Variants in PALLD observed in about 807,000 individuals in gnomAD.
The protein encoded by PALLD is palladin.
A neutral mutation model predicts 123.5 loss-of-function variants in PALLD; 61 were observed. That is an observed-to-expected ratio of 0.49 (90% CI 0.40 to 0.61). The LOEUF is 0.61. PALLD is among the 20% of genes least tolerant of loss of function. The pLI, the probability that PALLD is intolerant of heterozygous loss-of-function variation, is 0.00. For synonymous variants in PALLD, 465 were observed against 496.4 expected (o/e 0.94, Z 0.84); for missense variants, 1,273 against 1,377.0 (o/e 0.92, Z 1.20).
chr4:168,841,034 A>G (rs1745962418), intron 10 of PALLD, among the ~76,000 whole-genome samples: 1 of 152,106 alleles, frequency 6.6e-6, no homozygotes, highest in Non-Finnish European at 1.5e-5. Context: ...TATTTTTAGT[A>G]GAGATGGAGT....
Position 168,878,161 on chromosome 4 carries a change from C to CCCGCCA in PALLD, c.1965-12758_1965-12753dup, listed in dbSNP as rs864622087. ...GCTCCTCCTCGCCGTCGCCCCCGCC[C>CCCGCCA]CCGCCACCCCCGGTCTTCAGCCCCA... is the stretch of plus-strand genomic sequence containing the variant. On this transcript the variant is annotated intron_variant, in intron 10 of 21. Transcript: ENST00000505667. 1 of 1,491,770 alleles carries CCCGCCA rather than the reference C, an allele frequency of 6.7e-7. No homozygotes were observed. Among genetic ancestry groups the CCCGCCA allele is most frequent in the African/African-American group, 1.5e-5 (1 of 68,580 alleles). The allele number at this position is 1,491,770 out of a possible 1,614,324, so 92.4% of individuals were successfully genotyped here. A position where few individuals can be genotyped will look rare whatever the true frequency, so the allele number is the denominator to read the frequency against.
intron 2 of PALLD, among the ~76,000 whole-genome samples, chr4:168,589,845 C>T (rs2149684284): frequency 6.6e-6 from 1 of 152,338 alleles, no homozygotes; most frequent in South Asian, 2.1e-4. Context: ...TGCTTTTCCT[C>T]TCATGATCCT....
At chr4:168,826,225 A>C (rs377530363) in intron 10 of PALLD, among the ~76,000 whole-genome samples, 103 of 152,274 alleles carry the variant, frequency 6.8e-4, no homozygotes, top group African/African-American at 2.2e-3. Flanking sequence ...ATCAAGCAGG[A>C]CATGTTTAGA....
chr4:168,809,310 T>G (rs940707142), intron 10 of PALLD, among the ~76,000 whole-genome samples: 5 of 133,116 alleles, frequency 3.8e-5, no homozygotes, highest in Non-Finnish European at 6.5e-5. Flanking sequence ...AAATTTTCCC[T>G]TATAAATCCT....
At chr4:168,527,916 G>A (rs1764224711) in intron 2 of PALLD, among the ~76,000 whole-genome samples, 1 of 152,140 alleles carries the variant, frequency 6.6e-6, no homozygotes. Flanking sequence ...GTCAAATGAA[G>A]GTCTCCATCA....
At chr4:168,645,298 A>G (rs1777337718) in intron 2 of PALLD, among the ~76,000 whole-genome samples, 1 of 152,080 alleles carries the variant, frequency 6.6e-6, no homozygotes, top group African/African-American at 2.4e-5. Context: ...ACAGTACCTG[A>G]TATGTATCAG....
intron 2 of PALLD, among the ~76,000 whole-genome samples, chr4:168,612,611 G>A (rs377682876): frequency 6.6e-6 from 1 of 151,854 alleles, no homozygotes; most frequent in African/African-American, 2.4e-5. Context: ...GCCCCCAAAC[G>A]TAAGGTGAAT....
chr4:168,729,603 C>T (rs898147684), intron 10 of PALLD, among the ~76,000 whole-genome samples: 1 of 152,196 alleles, frequency 6.6e-6, no homozygotes, highest in Non-Finnish European at 1.5e-5. Context: ...GATCAATGCA[C>T]AGTTGTTCTC....
intron 8 of PALLD, among the ~76,000 whole-genome samples, chr4:168,708,514 T>C (rs1784429479): frequency 6.6e-6 from 1 of 152,236 alleles, no homozygotes; most frequent in Non-Finnish European, 1.5e-5. Context: ...GCCATGCCAC[T>C]TAACAGTACC....
intron 2 of PALLD, among the ~76,000 whole-genome samples, chr4:168,594,245 T>C (rs984978708): frequency 6.6e-6 from 1 of 152,176 alleles, no homozygotes; most frequent in Non-Finnish European, 1.5e-5. Flanking sequence ...AAAAGGACTT[T>C]GACTAAGATG....
At chr4:168,786,401 T>C (rs142588778) in intron 10 of PALLD, among the ~76,000 whole-genome samples, 310 of 152,190 alleles carry the variant, frequency 2.0e-3, no homozygotes, top group African/African-American at 6.3e-3. Flanking sequence ...CTGTCAGGTA[T>C]GGTAGCCCAT....
chr4:168,865,904 G>GAA (rs1750200663), intron 10 of PALLD, among the ~76,000 whole-genome samples: 1 of 152,126 alleles, frequency 6.6e-6, no homozygotes, highest in African/African-American at 2.4e-5. Flanking sequence ...GAAAATTGGT[G>GAA]GCACAGTCAC....
At chr4:168,604,837 T>C (rs1773012032) in intron 2 of PALLD, among the ~76,000 whole-genome samples, 1 of 152,178 alleles carries the variant, frequency 6.6e-6, no homozygotes, top group Non-Finnish European at 1.5e-5. Flanking sequence ...GTGTGTTAAA[T>C]AGAGGGTAAG....
chr4:168,805,124 T>C (rs904485712), intron 10 of PALLD, among the ~76,000 whole-genome samples: 2 of 149,836 alleles, frequency 1.3e-5, no homozygotes, highest in Admixed American at 1.3e-4. Flanking sequence ...CGCCATTACA[T>C]CTCAGCCTGG....
chr4:168,874,070 T>C (rs114348870), intron 10 of PALLD, among the ~76,000 whole-genome samples: 20 of 152,346 alleles, frequency 1.3e-4, no homozygotes, highest in African/African-American at 4.8e-4. Flanking sequence ...GTTTGTAAAG[T>C]AACCAGAATT....
At chr4:168,623,422 C>G (rs1333306857) in intron 2 of PALLD, among the ~76,000 whole-genome samples, 1 of 152,224 alleles carries the variant, frequency 6.6e-6, no homozygotes, top group East Asian at 1.9e-4. Context: ...TTAATGCTCA[C>G]ATAAGCAAAC....
chr4:168,848,973 A>G (rs1282391142), intron 10 of PALLD, among the ~76,000 whole-genome samples: 5 of 152,182 alleles, frequency 3.3e-5, no homozygotes. Flanking sequence ...TAAAGATGAG[A>G]GGGGGTTATT....
intron 2 of PALLD, among the ~76,000 whole-genome samples, chr4:168,560,654 C>T (rs938245644): frequency 5.9e-5 from 9 of 152,156 alleles, no homozygotes; most frequent in Non-Finnish European, 1.0e-4. Context: ...ATCAAGCTGT[C>T]AGGAGATCAG....
chr4:168,585,346 TTAACCCATTTCATAGATGAGGTG>T (rs1367489635), intron 2 of PALLD, among the ~76,000 whole-genome samples: 4 of 151,770 alleles, frequency 2.6e-5, no homozygotes, highest in African/African-American at 4.8e-5. Flanking sequence ...GAGGAAATGA[TTAACCCATTTCATAGATGAGGTG>T]TAACCCATTT....
Sources: allele counts gnomAD v4.1 joint callset (sites outside exome capture counted in the v4.1 genomes callset), GRCh38; gene constraint gnomAD v4.1.1; transcripts MANE v1.5; gene names NCBI Gene and HGNC (gene_info 2026-07-23, HGNC 2026-07-21).